DDX25: variants seen among roughly 807,000 people sequenced by gnomAD.
DDX25 encodes the protein DEAD-box helicase 25.
Under a neutral mutation model 64.6 loss-of-function variants are expected in DDX25, and 70 were observed. That is an observed-to-expected ratio of 1.08 (90% CI 0.89 to 1.32). DDX25 has a LOEUF of 1.32. DDX25 is among the 40% of genes most tolerant of loss of function. The pLI is 0.00. For missense variants in DDX25, 587 were observed against 604.4 expected (o/e 0.97, Z 0.30); for synonymous variants, 211 against 213.3 (o/e 0.99, Z 0.09).
intron 8 of DDX25, among the ~76,000 whole-genome samples, chr11:125,914,378 G>T (rs1170159689): frequency 1.3e-5 from 2 of 152,178 alleles, no homozygotes; most frequent in Non-Finnish European, 2.9e-5. Flanking sequence ...CATTCTGGGA[G>T]CAAGGCAGGG....
At chr11:125,905,620 T>G (rs1214882842) in intron 3 of DDX25, 23 bp downstream of exon 3, 1 of 1,544,320 alleles carries the variant, frequency 6.5e-7, no homozygotes, top group African/African-American at 1.4e-5. Context: ...TTCATTTGCA[T>G]GTATCTACTA....
Position 125,925,611 on chromosome 11 carries a change from G to A in DDX25, c.*2730G>A. 2.7e-6 allele frequency: 1 copy of A among 374,178 alleles called. No homozygotes were observed. The highest frequency in any genetic ancestry group is 5.5e-6 in the Non-Finnish European group (1 of 183,042). 23.2% of individuals were successfully genotyped at this position (374,178 alleles called of 1,614,324 possible). ...CAACTGTGAGCTGGGTTCATCAGCT[G>A]TATGTTTCTTGGCACCAAATACTAA... On this transcript the variant is annotated 3_prime_UTR_variant, in exon 12 of 12. Transcript: ENST00000263576.
Position 125,926,873 on chromosome 11 carries a change from T to G in DDX25, c.*3992T>G, listed in dbSNP as rs1945172554. The stretch of plus-strand genomic sequence containing the variant: ...CCCCTTCTCATTTCTGTCTGCTGAC[T>G]CCTCTTCCCGTTCTGCTGCTCACAT... On this transcript the variant is annotated 3_prime_UTR_variant, in exon 12 of 12. Coordinates refer to ENST00000263576, the MANE Select transcript of DDX25 (RefSeq NM_013264.5). 6.6e-6 allele frequency: 1 copy of G among 152,298 alleles called. No homozygotes were observed. The highest frequency in any genetic ancestry group is 1.5e-5 in the Non-Finnish European group (1 of 68,128). 9.4% of individuals were successfully genotyped at this position (152,298 alleles called of 1,614,324 possible).
chr11:125,921,358 A>T lies in DDX25; in HGVS notation c.1369A>T (p.Met457Leu). ...TGAAGTAGATGAGCTGCCCTCGCTC[A>T]TGAAAATCCAGGACCACTTTAGTAA... Reference protein sequence around the residue: ...MIEVDELPSLMKIQDHFNSSI... With the variant: ...MIEVDELPSLLKIQDHFNSSI... Residue 457 changes from methionine to leucine, a missense_variant, in exon 11 of 12, where the codon ATG (methionine) becomes TTG (leucine). By Grantham distance (15) the Met-to-Leu change is conservative (BLOSUM62 2). Transcript: ENST00000263576. The surrounding 1 kb of genome is among the most constrained non-coding windows in gnomAD (Gnocchi z 4.1). 6.2e-7 allele frequency: 1 copy of T among 1,613,846 alleles called. No homozygotes were observed. Among genetic ancestry groups the T allele is most frequent in the Non-Finnish European group, 8.5e-7 (1 of 1,179,834 alleles).
In DDX25 at chr11:125,921,605, C is replaced by A. The variant is rs960587616; in HGVS notation, c.1390+226C>A. ...TTTGATCAAGCAGAATTAATATGAG[C>A]TCAGGCCGGGTGTGGCAGCTCACAC... On this transcript the variant is annotated intron_variant, in intron 11 of 11. Transcript: ENST00000263576. The surrounding 1 kb of genome is among the most constrained non-coding windows in gnomAD (Gnocchi z 4.1). The A allele has an allele frequency of 7.3e-5, 38 of 519,612 alleles. No homozygotes were observed. The highest frequency in any genetic ancestry group is 3.9e-5 in the Non-Finnish European group (12 of 304,846). 32.2% of individuals were successfully genotyped at this position (519,612 alleles called of 1,614,324 possible).
chr11:125,922,728 A>G (rs1028235248), intron 11 of DDX25, 92 bp from the exon 12 acceptor site: 1 of 1,191,570 alleles, frequency 8.4e-7, no homozygotes, highest in Non-Finnish European at 1.2e-6. Context: ...GGCTTTTTAT[A>G]CGAGGTATCA....
chr11:125,911,742 T>C (rs999337264), intron 8 of DDX25, among the ~76,000 whole-genome samples: 1 of 152,244 alleles, frequency 6.6e-6, no homozygotes, highest in African/African-American at 2.4e-5. Context: ...TATTAATATA[T>C]AGTGCATCTG....
At chr11:125,905,669 AATAAT>A (rs1281409456) in intron 3 of DDX25, 72 bp downstream of exon 3, 4 of 1,419,080 alleles carry the variant, frequency 2.8e-6, no homozygotes, top group African/African-American at 2.9e-5. Flanking sequence ...AGTGTGAGTG[AATAAT>A]ATAATCTCAA....
chr11:125,916,270 A>G (rs947093480), intron 8 of DDX25, among the ~76,000 whole-genome samples: 37 of 152,218 alleles, frequency 2.4e-4, no homozygotes, highest in African/African-American at 8.7e-4. Flanking sequence ...AAATACACCA[A>G]TGATAAGTGT....
intron 2 of DDX25, 56 bp downstream of exon 2, chr11:125,905,334 G>A (rs1359666656): frequency 6.5e-7 from 1 of 1,536,666 alleles, no homozygotes; most frequent in African/African-American, 1.4e-5. Context: ...GTATTGTTTT[G>A]CTTTCATCAC....
At chr11:125,905,389 A>T (rs372115282) in intron 2 of DDX25, 111 bp downstream of exon 2, 3 of 1,356,446 alleles carry the variant, frequency 2.2e-6, no homozygotes. Context: ...TGTGACATTC[A>T]GCACTCTCCA....
rs1591514733 is a variant in DDX25 at position 125,906,843 on chromosome 11, A to G, written c.311+634A>G. 2.8e-5 allele frequency among the ~76,000 whole-genome samples: 4 copies of G among 140,524 alleles called. No individual in the cohort carries two copies. The South Asian group carries it at 7.2e-4, about 25-fold the overall frequency. 92.2% of individuals were successfully genotyped at this position (140,524 alleles called of 152,430 possible). A position where few individuals can be genotyped will look rare whatever the true frequency, so the allele number is the denominator to read the frequency against. On this transcript the variant is annotated intron_variant, in intron 4 of 11. Transcript: ENST00000263576. ...CGTCTCAAAAAAAAAAAAAAAAAGGATATTCTAAAGAAGAACATTAGGATA... is the reference window on the plus strand; with the variant it reads ...CGTCTCAAAAAAAAAAAAAAAAAGGGTATTCTAAAGAAGAACATTAGGATA...
rs1945116768 is a variant in DDX25 at position 125,921,603 on chromosome 11, A to C, written c.1390+224A>C. ...ATTTTGATCAAGCAGAATTAATATG[A>C]GCTCAGGCCGGGTGTGGCAGCTCAC... On this transcript the variant is annotated intron_variant, in intron 11 of 11. Coordinates refer to ENST00000263576, the MANE Select transcript of DDX25 (RefSeq NM_013264.5). This position sits in a 1 kb window ranked among gnomAD's most constrained non-coding sequence, Gnocchi z 4.1. 2 of 524,192 alleles carry C rather than the reference A, an allele frequency of 3.8e-6. No homozygotes were observed. Among genetic ancestry groups the C allele is most frequent in the African/African-American group, 3.8e-5 (2 of 52,738 alleles). The allele number at this position is 524,192 out of a possible 1,614,324, so 32.5% of individuals were successfully genotyped here.
chr11:125,910,506 G>T (rs1405294859), intron 7 of DDX25, 28 bp downstream of exon 7: 3 of 1,600,110 alleles, frequency 1.9e-6, no homozygotes, highest in Admixed American at 3.3e-5. Flanking sequence ...AGTCCTGGCT[G>T]ATTTTTCAAA....
Position 125,926,076 on chromosome 11 carries a change from C to T in DDX25, c.*3195C>T, listed in dbSNP as rs1306046437. ...TTGGTTCCTGGTCCTCTGAGAGGCT[C>T]AGTCTCCTTCCTTTTGATTCAAGGC... On this transcript the variant is annotated 3_prime_UTR_variant, in exon 12 of 12. Transcript: ENST00000263576. 3 of 152,762 alleles carry T rather than the reference C, an allele frequency of 2.0e-5. No individual in the cohort carries two copies. In the East Asian group the frequency reaches 5.8e-4, roughly 29 times the overall value. 9.5% of individuals were successfully genotyped at this position (152,762 alleles called of 1,614,324 possible). A position where few individuals can be genotyped will look rare whatever the true frequency, so the allele number is the denominator to read the frequency against.
At chr11:125,904,355 C>A, upstream of DDX25, 1 of 551,708 alleles carries the variant, frequency 1.8e-6, no homozygotes, top group Non-Finnish European at 2.8e-6. Context: ...CCCTTCCGCG[C>A]GCCACCCAGC....
At chr11:125,909,300 A>C (rs1944934975) in intron 6 of DDX25, among the ~76,000 whole-genome samples, 1 of 152,196 alleles carries the variant, frequency 6.6e-6, no homozygotes, top group Admixed American at 6.5e-5. Flanking sequence ...AAGTTCAGTG[A>C]AATTTATGTT....
intron 6 of DDX25, among the ~76,000 whole-genome samples, 189 bp from the exon 7 acceptor site, chr11:125,910,175 C>CCTT (rs1565464176): frequency 6.6e-6 from 1 of 152,114 alleles, no homozygotes; most frequent in Non-Finnish European, 1.5e-5. Flanking sequence ...GGCCCCTTCC[C>CCTT]CTTCTCATAC....
At position 125,907,235 on chromosome 11, in the gene DDX25, T is replaced by TA. The variant is rs373857215; in HGVS notation, c.312-960dup. 9.4e-4 allele frequency among the ~76,000 whole-genome samples: 143 copies of TA among 152,334 alleles called. 2 individuals carry two copies. The highest frequency in any genetic ancestry group is 3.3e-3 in the African/African-American group (139 of 41,590). ...TAGTTCCCAGACATTTTCTAAATGG[T>TA]AGAAGAAGCCTACCCATGATTTAAG... On this transcript the variant is annotated intron_variant, in intron 4 of 11. Transcript: ENST00000263576.
Sources: gnomAD v4.1 joint callset for allele counts (sites outside exome capture counted in the v4.1 genomes callset) on GRCh38, gnomAD v4.1.1 for gene constraint, Gnocchi (gnomAD v3.1) non-coding constraint, MANE v1.5 for transcripts, NCBI Gene and HGNC (gene_info 2026-07-23, HGNC 2026-07-21) for gene names.